Variants in RGS6 observed in about 807,000 individuals in gnomAD.
The protein encoded by RGS6 is regulator of G-protein signaling 6.
In RGS6, 30 loss-of-function variants were observed where a neutral mutation model predicts 78.5. The ratio of observed to expected loss-of-function variants is 0.38; its 90% CI spans 0.29 to 0.52. The LOEUF (loss-of-function observed/expected upper bound fraction) is 0.52, where lower values mean the gene tolerates loss of function less well. Among genes scored for constraint, RGS6 ranks in the 20% least tolerant of loss-of-function variants. The pLI, the probability that RGS6 is intolerant of heterozygous loss-of-function variation, is 0.85. For missense variants in RGS6, 495 were observed against 609.7 expected (o/e 0.81, Z 1.98); for synonymous variants, 206 against 206.0 (o/e 1.00, Z 0.00).
At chr14:72,000,737 C>T (rs1217937670) in intron 2 of RGS6, among the ~76,000 whole-genome samples, 1 of 152,114 alleles carries the variant, frequency 6.6e-6, no homozygotes, top group Non-Finnish European at 1.5e-5. Context: ...AGGAATGTTG[C>T]ATGCCACAGA....
At chr14:71,908,317 CA>C in the RGS6 span, 2 of 152,218 alleles carry the variant, frequency 1.3e-5, no homozygotes, top group South Asian at 2.1e-4. Flanking sequence ...GCAAGGACAG[CA>C]CGGAATGACT....
chr14:71,925,073 C>G, the RGS6 span, among the ~76,000 whole-genome samples: 1 of 152,142 alleles, frequency 6.6e-6, no homozygotes, highest in African/African-American at 2.4e-5. Flanking sequence ...CTTGCCAACA[C>G]TTGTTATGTT....
At chr14:72,135,614 A>G (rs906255211) in intron 2 of RGS6, among the ~76,000 whole-genome samples, 1 of 151,100 alleles carries the variant, frequency 6.6e-6, no homozygotes, top group East Asian at 1.9e-4. Context: ...GTAGCCTAAT[A>G]TTCTTTTTTT....
intron 2 of RGS6, among the ~76,000 whole-genome samples, chr14:72,258,584 G>A (rs1375377429): frequency 3.3e-5 from 5 of 152,188 alleles, no homozygotes; most frequent in African/African-American, 1.2e-4. Flanking sequence ...TGTTTTTAAA[G>A]TCGATGGAGC....
In RGS6 at chr14:72,465,699, C is replaced by A. The variant is rs1489343107; in HGVS notation, c.395-59C>A. 7.3e-6 allele frequency: 9 copies of A among 1,227,166 alleles called. No individual in the cohort carries two copies. In the East Asian group the frequency reaches 2.1e-4, roughly 29 times the overall value. The allele number at this position is 1,227,166 out of a possible 1,614,324, so 76.0% of individuals were successfully genotyped here. A position where few individuals can be genotyped will look rare whatever the true frequency, so the allele number is the denominator to read the frequency against. Reference sequence around the variant, plus strand: ...ATGGATGGACAGATGGATGGATGGGCTTATAATTCCATTGTGCTGCTGGTT... The same window carrying A: ...ATGGATGGACAGATGGATGGATGGGATTATAATTCCATTGTGCTGCTGGTT... On this transcript the variant is annotated intron_variant, in intron 6 of 17. Transcript: ENST00000553525.
chr14:72,417,209 A>G (rs1399461380), intron 3 of RGS6, among the ~76,000 whole-genome samples: 4 of 152,224 alleles, frequency 2.6e-5, no homozygotes, highest in Non-Finnish European at 5.9e-5. Context: ...CAGCTATGAA[A>G]AAATGAGAAA....
At chr14:72,265,526 C>T (rs935323539) in intron 2 of RGS6, among the ~76,000 whole-genome samples, 4 of 152,152 alleles carry the variant, frequency 2.6e-5, no homozygotes, top group African/African-American at 9.7e-5. Context: ...TTGATCTCAT[C>T]CCATTAGTAG....
chr14:72,581,597 C>T, the RGS6 span, among the ~76,000 whole-genome samples: 1 of 152,212 alleles, frequency 6.6e-6, no homozygotes, highest in Admixed American at 6.5e-5. Context: ...ATCCCTTGCA[C>T]ATGCGTGAAC....
chr14:72,434,664 T>C (rs1456073611), intron 3 of RGS6, among the ~76,000 whole-genome samples: 1 of 152,024 alleles, frequency 6.6e-6, no homozygotes, highest in African/African-American at 2.4e-5. Flanking sequence ...TAGGGCCACA[T>C]CTTACTTGGC....
At chr14:72,590,232 G>A in the RGS6 span, among the ~76,000 whole-genome samples, 1 of 152,234 alleles carries the variant, frequency 6.6e-6, no homozygotes, top group Non-Finnish European at 1.5e-5. Context: ...AGTTTGGTAA[G>A]TTCTCATAAC....
At chr14:71,889,000 C>T in the RGS6 span, among the ~76,000 whole-genome samples, 2 of 152,136 alleles carry the variant, frequency 1.3e-5, no homozygotes, top group Non-Finnish European at 2.9e-5. Context: ...GAGGATTGGG[C>T]ATGGTTCACT....
rs150341359 is a variant in RGS6 at position 72,047,470 on chromosome 14, T to G, written c.84+82595T>G. Among the ~76,000 whole-genome samples the G allele has an allele frequency of 3.1e-3, 477 of 152,344 alleles. 1 individual carries two copies. The highest frequency in any genetic ancestry group is 5.1e-3 in the Non-Finnish European group (350 of 68,036). ...TGGCGATATGTCCTGTTTTAGCTACTAACATTTATCAGCTTCATCATACAG... is the reference window on the plus strand; with the variant it reads ...TGGCGATATGTCCTGTTTTAGCTACGAACATTTATCAGCTTCATCATACAG... On this transcript the variant is annotated intron_variant, in intron 2 of 17. Coordinates refer to ENST00000553525, the MANE Select transcript of RGS6 (RefSeq NM_001204424.2).
At chr14:71,882,034 T>C in the RGS6 span, among the ~76,000 whole-genome samples, 1 of 152,196 alleles carries the variant, frequency 6.6e-6, no homozygotes, top group African/African-American at 2.4e-5. Flanking sequence ...TCCACAACCA[T>C]CTCCACCATA....
chr14:72,569,437 T>A (rs2097717704), downstream of RGS6, among the ~76,000 whole-genome samples: 1 of 152,152 alleles, frequency 6.6e-6, no homozygotes, highest in African/African-American at 2.4e-5. Flanking sequence ...CCCCGCACTT[T>A]GGGAGGCCGA....
chr14:72,510,083 A>C (rs1326502063), intron 13 of RGS6, 71 bp from the exon 14 acceptor site: 1 of 1,492,922 alleles, frequency 6.7e-7, no homozygotes, highest in African/African-American at 1.4e-5. Context: ...GACTTGAGTC[A>C]CTGAAGAGAA....
At chr14:71,956,738 C>T (rs1454178903) in intron 1 of RGS6, among the ~76,000 whole-genome samples, 1 of 152,108 alleles carries the variant, frequency 6.6e-6, no homozygotes, top group South Asian at 2.1e-4. Context: ...CACAGACACA[C>T]CCAGGATCAA....
chr14:72,443,434 A>G (rs977702162), intron 3 of RGS6, among the ~76,000 whole-genome samples: 4 of 152,180 alleles, frequency 2.6e-5, no homozygotes, highest in Non-Finnish European at 5.9e-5. Context: ...CAGACTTTCA[A>G]TCTCAGCACA....
chr14:72,383,213 T>TATATATAC (rs1387301746), intron 3 of RGS6, among the ~76,000 whole-genome samples: 7,843 of 117,248 alleles, frequency 0.067, 648 homozygotes, highest in South Asian at 0.099. Flanking sequence ...TATATATATA[T>TATATATAC]ACACACAAAC....
At chr14:72,347,096 C>T (rs1383746864) in intron 2 of RGS6, among the ~76,000 whole-genome samples, 3 of 152,178 alleles carry the variant, frequency 2.0e-5, no homozygotes, top group Non-Finnish European at 4.4e-5. Flanking sequence ...ATAAGGGCCA[C>T]CTGCTTATTG....
Sources: allele counts gnomAD v4.1 joint callset (sites outside exome capture counted in the v4.1 genomes callset), GRCh38; gene constraint gnomAD v4.1.1; transcripts MANE v1.5; gene names NCBI Gene and HGNC (gene_info 2026-07-23, HGNC 2026-07-21).